DLG2: variants seen among roughly 807,000 people sequenced by gnomAD.
DLG2 encodes disks large homolog 2.
In DLG2, 45 loss-of-function variants were observed where a neutral mutation model predicts 132.5. The observed-to-expected ratio is 0.34, with a 90% confidence interval of 0.27 to 0.44. The LOEUF (loss-of-function observed/expected upper bound fraction) is 0.44, where lower values mean the gene tolerates loss of function less well. Ranked by LOEUF, DLG2 falls within the 20% of genes least tolerant of loss-of-function variation. The probability of loss-of-function intolerance (pLI) is 1.00; values close to 1 mark genes in which losing one functional copy is unlikely to be tolerated. For synonymous variants in DLG2, 424 were observed against 419.6 expected (o/e 1.01, Z -0.13); for missense variants, 1,045 against 1,196.9 (o/e 0.87, Z 1.87).
intron 7 of DLG2, among the ~76,000 whole-genome samples, chr11:84,488,975 TCAC>T (rs1037327487): frequency 2.0e-5 from 3 of 152,146 alleles, no homozygotes; most frequent in African/African-American, 7.2e-5. Context: ...GAGATCTAAC[TCAC>T]CACAACTGCT....
At chr11:83,692,239 G>A (rs1458019185) in intron 18 of DLG2, among the ~76,000 whole-genome samples, 1 of 152,216 alleles carries the variant, frequency 6.6e-6, no homozygotes, top group Non-Finnish European at 1.5e-5. Context: ...GGCATGATAT[G>A]ACTGGGATGC....
chr11:85,070,047 G>T (rs536429263), intron 6 of DLG2, among the ~76,000 whole-genome samples: 1 of 151,602 alleles, frequency 6.6e-6, no homozygotes, highest in African/African-American at 2.4e-5. Flanking sequence ...GCAAACTATC[G>T]CAAGGACAAA....
chr11:83,560,027 A>C (rs183775938), intron 19 of DLG2, among the ~76,000 whole-genome samples: 298 of 152,294 alleles, frequency 2.0e-3, no homozygotes, highest in Non-Finnish European at 3.4e-3. Flanking sequence ...ATATGTAGTC[A>C]AACTTAATCA....
chr11:84,534,396 A>G (rs1391097082), intron 7 of DLG2, among the ~76,000 whole-genome samples, 174 bp downstream of exon 7: 2 of 152,228 alleles, frequency 1.3e-5, no homozygotes, highest in Non-Finnish European at 1.5e-5. Context: ...CAATAAAAAT[A>G]TGTCCCAAAA....
At chr11:85,057,879 A>G (rs2063625824) in intron 6 of DLG2, among the ~76,000 whole-genome samples, 1 of 151,682 alleles carries the variant, frequency 6.6e-6, no homozygotes, top group Admixed American at 6.6e-5. Context: ...TACAGAAAAT[A>G]TACTTTATAA....
intron 7 of DLG2, among the ~76,000 whole-genome samples, chr11:84,355,877 A>G (rs1417719225): frequency 1.3e-5 from 2 of 152,120 alleles, no homozygotes; most frequent in Admixed American, 1.3e-4. Context: ...TAGTGTCCAA[A>G]TGTGTCACTG....
intron 6 of DLG2, among the ~76,000 whole-genome samples, chr11:84,542,128 T>TGA (rs59128357): frequency 0.29 from 42,085 of 146,834 alleles, 5,888 homozygotes; most frequent in South Asian, 0.4. Flanking sequence ...ACAGTACTGA[T>TGA]GAGAGAGAGA....
intron 3 of DLG2, among the ~76,000 whole-genome samples, chr11:85,416,509 T>A (rs549208007): frequency 4.6e-5 from 7 of 152,342 alleles, no homozygotes; most frequent in African/African-American, 9.6e-5. Flanking sequence ...GGGGATAGCA[T>A]TGAATCTGTA....
At chr11:85,380,374 A>T (rs1054587354) in intron 3 of DLG2, among the ~76,000 whole-genome samples, 6 of 152,216 alleles carry the variant, frequency 3.9e-5, no homozygotes, top group African/African-American at 1.4e-4. Context: ...AAAAGTGAAC[A>T]TGGGTTGGGC....
intron 10 of DLG2, among the ~76,000 whole-genome samples, chr11:84,075,065 T>C (rs988089841): frequency 6.6e-6 from 1 of 152,164 alleles, no homozygotes; most frequent in Non-Finnish European, 1.5e-5. Context: ...AGGGTACTTG[T>C]ACTTATTGTT....
chr11:85,147,752 A>C (rs1031820565), intron 5 of DLG2, among the ~76,000 whole-genome samples: 14 of 151,724 alleles, frequency 9.2e-5, no homozygotes, highest in African/African-American at 3.4e-4. Flanking sequence ...ATTTTATTTT[A>C]TTTTACTTTA....
At chr11:83,981,522 A>G (rs2092778365) in intron 11 of DLG2, among the ~76,000 whole-genome samples, 1 of 152,062 alleles carries the variant, frequency 6.6e-6, no homozygotes, top group African/African-American at 2.4e-5. Flanking sequence ...GCTCGCTGCA[A>G]CCTCTGCCTC....
At chr11:84,502,300 TTC>T (rs2099216898) in intron 7 of DLG2, among the ~76,000 whole-genome samples, 1 of 2,150 alleles carries the variant, frequency 4.7e-4, no homozygotes, top group East Asian at 6.3e-3. Flanking sequence ...CTTTCTTTCT[TTC>T]TTTCTTTCTT....
intron 15 of DLG2, among the ~76,000 whole-genome samples, chr11:83,901,211 C>A (rs1254230409): frequency 1.3e-5 from 2 of 152,126 alleles, no homozygotes; most frequent in African/African-American, 4.8e-5. Context: ...AGGGACTTGC[C>A]TTGTCTTAGA....
chr11:84,594,386 G>C (rs903010412), intron 6 of DLG2, among the ~76,000 whole-genome samples: 1 of 152,056 alleles, frequency 6.6e-6, no homozygotes, highest in Non-Finnish European at 1.5e-5. Flanking sequence ...TATGTGTCTC[G>C]TCTAGACAAT....
chr11:83,790,035 C>T (rs1440834701), intron 17 of DLG2: 4 of 1,368,454 alleles, frequency 2.9e-6, no homozygotes, highest in African/African-American at 1.5e-5. Context: ...TGAATTAAGT[C>T]TATTCTGGTA....
chr11:83,660,098 C>CTT (rs2073863260), intron 18 of DLG2, among the ~76,000 whole-genome samples: 1 of 152,104 alleles, frequency 6.6e-6, no homozygotes, highest in African/African-American at 2.4e-5. Context: ...GAGGGTCATA[C>CTT]TTTAAGAAAA....
At chr11:83,724,740 T>A (rs2089638455) in intron 18 of DLG2, 7 of 643,736 alleles carry the variant, frequency 1.1e-5, no homozygotes, top group Non-Finnish European at 2.0e-5. Flanking sequence ...AGGGAAAGGC[T>A]GTTTTAGGAA....
chr11:85,347,191 G>C (rs1209386464), intron 3 of DLG2, among the ~76,000 whole-genome samples: 1 of 152,076 alleles, frequency 6.6e-6, no homozygotes. Context: ...TGGGCATGCT[G>C]AGTGCTTTTG....
Sources: gnomAD v4.1 joint callset for allele counts (sites outside exome capture counted in the v4.1 genomes callset) on GRCh38, gnomAD v4.1.1 for gene constraint, MANE v1.5 for transcripts, NCBI Gene and HGNC (gene_info 2026-07-23, HGNC 2026-07-21) for gene names.